Variants in NFYC observed in about 807,000 individuals in gnomAD.
The protein encoded by NFYC is nuclear transcription factor Y subunit gamma, also known as CAAT box DNA-binding protein subunit C.
In NFYC, 25 loss-of-function variants were observed where a neutral mutation model predicts 53.1. The ratio of observed to expected loss-of-function variants is 0.47; its 90% CI spans 0.34 to 0.66. The LOEUF (loss-of-function observed/expected upper bound fraction) is 0.66, where lower values mean the gene tolerates loss of function less well. NFYC is among the 30% of genes least tolerant of loss of function. The pLI is 0.01. For synonymous variants in NFYC, 145 were observed against 152.6 expected, an observed-to-expected ratio of 0.95 and a Z score of 0.37; for missense variants, 260 against 422.7, an observed-to-expected ratio of 0.62 and a Z score of 3.38.
Position 40,771,467 on chromosome 1 carries a change from C to T in NFYC, c.*639C>T, listed in dbSNP as rs1647076932. The T allele has an allele frequency of 2.1e-6, 1 of 470,286 alleles. No individual in the cohort carries two copies. The highest frequency in any genetic ancestry group is 4.4e-6 in the Non-Finnish European group (1 of 226,648). 29.1% of individuals were successfully genotyped at this position (470,286 alleles called of 1,614,324 possible). A position where few individuals can be genotyped will look rare whatever the true frequency, so the allele number is the denominator to read the frequency against. On this transcript the variant is annotated 3_prime_UTR_variant, in exon 10 of 10. Transcript: ENST00000447388. ...GATTCATTGCCACACTCTTTTCTCC[C>T]AGGGACCCAGGAAACTAGGACTTTG... is the stretch of plus-strand genomic sequence containing the variant.
chr1:40,694,008 C>G (rs1642987971), intron 1 of NFYC, among the ~76,000 whole-genome samples: 3 of 151,470 alleles, frequency 2.0e-5, no homozygotes, highest in Admixed American at 2.0e-4. Flanking sequence ...GCATTTTTTC[C>G]TGAATCCAGG....
intron 1 of NFYC, among the ~76,000 whole-genome samples, chr1:40,727,794 G>T (rs1644588392): frequency 6.6e-6 from 1 of 152,046 alleles, no homozygotes; most frequent in African/African-American, 2.4e-5. Flanking sequence ...GCCTCCCAAA[G>T]TGCTAGGATT....
intron 1 of NFYC, among the ~76,000 whole-genome samples, chr1:40,693,756 A>T (rs1642972707): frequency 6.6e-6 from 1 of 152,218 alleles, no homozygotes; most frequent in Non-Finnish European, 1.5e-5. Context: ...TCAGCTATCA[A>T]CATAAACCTG....
intron 1 of NFYC, among the ~76,000 whole-genome samples, chr1:40,718,997 G>C (rs1644239792): frequency 6.6e-6 from 1 of 152,032 alleles, no homozygotes. Flanking sequence ...TCAGCCTCCC[G>C]AGTAGCTGGG....
intron 1 of NFYC, among the ~76,000 whole-genome samples, chr1:40,721,177 T>C (rs2148491023): frequency 6.6e-6 from 1 of 152,354 alleles, no homozygotes; most frequent in African/African-American, 2.4e-5. Flanking sequence ...TTATCATCAC[T>C]GATTAGTGAA....
chr1:40,767,010 A>C, intron 8 of NFYC: 5 of 1,541,630 alleles, frequency 3.2e-6, no homozygotes, highest in Non-Finnish European at 4.4e-6. Context: ...AATGTTCGAC[A>C]GATCGCCTGA....
chr1:40,750,007 T>TA (rs2148677176), intron 4 of NFYC, among the ~76,000 whole-genome samples: 1 of 152,304 alleles, frequency 6.6e-6, no homozygotes, highest in South Asian at 2.1e-4. Context: ...GCTCAAGTGA[T>TA]AAGAGTATTT....
chr1:40,693,164 A>C (rs557790789), intron 1 of NFYC, among the ~76,000 whole-genome samples: 2 of 152,312 alleles, frequency 1.3e-5, no homozygotes, highest in East Asian at 3.9e-4. Flanking sequence ...TCAAATAAGC[A>C]GCTCCAAACC....
intron 8 of NFYC, 27 bp downstream of exon 8, chr1:40,766,730 G>C: frequency 6.2e-7 from 1 of 1,601,686 alleles, no homozygotes; most frequent in Non-Finnish European, 8.6e-7. Flanking sequence ...CACAAGGCCT[G>C]TGTTGGAGAC....
At position 40,731,776 on chromosome 1, in the gene NFYC, G is replaced by A. The variant is rs147793172; in HGVS notation, c.-8-7060G>A. Among the ~76,000 whole-genome samples, 80 of 152,260 alleles carry A rather than the reference G, an allele frequency of 5.3e-4. 1 individual carries two copies. The East Asian group carries it at 0.013, about 24-fold the overall frequency. ...TGGGTTTACAGGCGTGAGCCACCGC[G>A]CCTGGCCCCGGCCTTTATTTTTCTT... On this transcript the variant is annotated intron_variant, in intron 1 of 9. Transcript: ENST00000447388.
Position 40,691,790 on chromosome 1 carries a change from C to T in NFYC, c.-86C>T, listed in dbSNP as rs1302886649. ...ACGCACACTTCCCCCTCCCCTCCGC[C>T]GCGCCTGGGCCTCTGCATTGCCCGA... On this transcript the variant is annotated 5_prime_UTR_variant, in exon 1 of 10. Transcript: ENST00000447388. 2.2e-6 allele frequency: 1 copy of T among 452,226 alleles called. No homozygotes were observed. Among genetic ancestry groups the T allele is most frequent in the Non-Finnish European group, 4.4e-6 (1 of 225,024 alleles). The allele number at this position is 452,226 out of a possible 1,614,324, so 28.0% of individuals were successfully genotyped here. A position where few individuals can be genotyped will look rare whatever the true frequency, so the allele number is the denominator to read the frequency against.
chr1:40,700,746 A>T (rs556515045), intron 1 of NFYC, among the ~76,000 whole-genome samples: 29 of 152,310 alleles, frequency 1.9e-4, no homozygotes, highest in African/African-American at 6.7e-4. Flanking sequence ...ATAAACTAAT[A>T]AATGGACGTT....
intron 1 of NFYC, chr1:40,723,372 G>A (rs1261878326): frequency 6.6e-6 from 1 of 152,180 alleles, no homozygotes; most frequent in Non-Finnish European, 1.5e-5. Flanking sequence ...TCGGGATTGA[G>A]GCCTGAAAAA....
rs939807600 is a variant in NFYC, at chr1:40,765,482, A to G, written c.721-1114A>G. ...GCTTCATCCCATTAGCATTTTCCTC[A>G]TGGAAGAGTCCTGCAGTGAAGTTAG... On this transcript the variant is annotated intron_variant, in intron 7 of 9. Coordinates refer to ENST00000447388, the MANE Select transcript of NFYC (RefSeq NM_014223.5). Among the ~76,000 whole-genome samples the G allele has an allele frequency of 1.2e-3, 189 of 152,308 alleles. 2 individuals are homozygous for G. The highest frequency in any genetic ancestry group is 4.3e-3 in the African/African-American group (180 of 41,578).
chr1:40,769,553 A>T lies in NFYC; in HGVS notation c.888+138A>T, dbSNP rs964636550. 5 of 722,448 alleles carry T rather than the reference A, an allele frequency of 6.9e-6. No homozygotes were observed. In the African/African-American group the frequency reaches 8.8e-5, roughly 13 times the overall value. 44.8% of individuals were successfully genotyped at this position (722,448 alleles called of 1,614,324 possible). ...GTGGACAGAAATTGTTAAAACAAGT[A>T]CGGTATTTAAATCAGGGCACCTATC... On this transcript the variant is annotated intron_variant, in intron 9 of 9. Coordinates refer to ENST00000447388, the MANE Select transcript of NFYC (RefSeq NM_014223.5).
intron 5 of NFYC, chr1:40,757,451 C>A: frequency 2.2e-6 from 1 of 463,242 alleles, no homozygotes; most frequent in South Asian, 1.6e-5. Context: ...CAAGGCAGTA[C>A]CCCAGCGGAG....
chr1:40,764,366 G>A (rs569780042), intron 7 of NFYC, among the ~76,000 whole-genome samples: 3 of 152,230 alleles, frequency 2.0e-5, no homozygotes, highest in Non-Finnish European at 4.4e-5. Flanking sequence ...GAAAGCTTAG[G>A]AAAGTGGAGT....
chr1:40,713,467 A>G (rs2148462113), intron 1 of NFYC, among the ~76,000 whole-genome samples: 1 of 152,364 alleles, frequency 6.6e-6, no homozygotes, highest in South Asian at 2.1e-4. Flanking sequence ...TAAAGAGGCT[A>G]AATACTTTTG....
intron 1 of NFYC, among the ~76,000 whole-genome samples, chr1:40,714,239 C>G (rs1396306184): frequency 6.6e-6 from 1 of 152,058 alleles, no homozygotes; most frequent in African/African-American, 2.4e-5. Context: ...AACAAAGATT[C>G]CAGGGTCATT....
Sources: allele counts gnomAD v4.1 joint callset (sites outside exome capture counted in the v4.1 genomes callset), GRCh38; gene constraint gnomAD v4.1.1; transcripts MANE v1.5; gene names NCBI Gene and HGNC (gene_info 2026-07-23, HGNC 2026-07-21).